FAM3D: variants seen among roughly 807,000 people sequenced by gnomAD.
FAM3D encodes protein FAM3D.
Under a neutral mutation model 29.8 loss-of-function variants are expected in FAM3D, and 26 were observed. The observed-to-expected ratio is 0.87, with a 90% CI of 0.64 to 1.21. FAM3D has a LOEUF of 1.21. Among genes scored for constraint, FAM3D ranks in the 50% most tolerant of loss-of-function variants. The pLI is 0.00. For synonymous variants in FAM3D, 115 were observed against 102.3 expected, an observed-to-expected ratio of 1.12 and a Z score of -0.75; for missense variants, 253 against 290.9, an observed-to-expected ratio of 0.87 and a Z score of 0.95.
At chr3:58,637,937 T>C (rs1467501995) in intron 7 of FAM3D, among the ~76,000 whole-genome samples, 2 of 151,278 alleles carry the variant, frequency 1.3e-5, no homozygotes, top group African/African-American at 4.9e-5. Context: ...CAGGCTGGAG[T>C]GCAATGGCGC....
intron 7 of FAM3D, among the ~76,000 whole-genome samples, chr3:58,638,578 C>T (rs1412172729): frequency 2.0e-5 from 3 of 152,202 alleles, no homozygotes. Context: ...AAATGCAGGG[C>T]CTTTTAATAA....
chr3:58,659,304 A>G (rs2066887344), intron 1 of FAM3D, among the ~76,000 whole-genome samples: 1 of 152,148 alleles, frequency 6.6e-6, no homozygotes, highest in South Asian at 2.1e-4. Flanking sequence ...AAATGCCATC[A>G]CAGCTCCTTT....
In FAM3D at chr3:58,634,338, ATTTG is replaced by A; in HGVS notation, c.612_615del (p.Lys205ThrfsTer31). ...TCCAGCAGCTCTGGCCATCCCTCGT[ATTTG>A]TTTGTGTCTGGGCTGTTCTTTAAGA... is the stretch of plus-strand genomic sequence containing the variant. On this transcript the variant is annotated frameshift_variant, in exon 10 of 10. Transcript: ENST00000358781. LOFTEE classifies it high-confidence loss of function. The surrounding 1 kb of genome is among the most constrained non-coding windows in gnomAD (Gnocchi z 4.6). 6.2e-7 allele frequency: 1 copy of A among 1,614,004 alleles called. No homozygotes were observed. Among genetic ancestry groups the A allele is most frequent in the East Asian group, 2.2e-5 (1 of 44,876 alleles).
chr3:58,663,681 G>A (rs1183454404), intron 1 of FAM3D, among the ~76,000 whole-genome samples: 1 of 152,174 alleles, frequency 6.6e-6, no homozygotes, highest in East Asian at 1.9e-4. Flanking sequence ...TGTGTCTTCA[G>A]CAACAGCCTC....
At chr3:58,649,488 C>T (rs2066569739) in intron 3 of FAM3D, 150 bp from the exon 4 acceptor site, 2 of 806,886 alleles carry the variant, frequency 2.5e-6, no homozygotes, top group Non-Finnish European at 4.1e-6. Flanking sequence ...ACTGTCACCC[C>T]TTCACACACA....
chr3:58,634,503 A>C lies in FAM3D; in HGVS notation c.586-135T>G. 2.9e-6 allele frequency: 2 copies of C among 696,688 alleles called. No homozygotes were observed. Among genetic ancestry groups the C allele is most frequent in the Non-Finnish European group, 4.7e-6 (2 of 423,818 alleles). 43.2% of individuals were successfully genotyped at this position (696,688 alleles called of 1,614,324 possible). A position where few individuals can be genotyped will look rare whatever the true frequency, so the allele number is the denominator to read the frequency against. On this transcript the variant is annotated intron_variant, in intron 9 of 9. Coordinates refer to ENST00000358781, the MANE Select transcript of FAM3D (RefSeq NM_138805.3). The surrounding 1 kb of genome is among the most constrained non-coding windows in gnomAD (Gnocchi z 4.6). Reference sequence around the variant, plus strand: ...ACCCACTTCACAGATGGGGAAACTGAGGCTCAGAGAGGGGATGCAACTTGC... The same window carrying C: ...ACCCACTTCACAGATGGGGAAACTGCGGCTCAGAGAGGGGATGCAACTTGC...
intron 1 of FAM3D, among the ~76,000 whole-genome samples, chr3:58,661,921 G>T (rs2066938856): frequency 6.6e-6 from 1 of 152,224 alleles, no homozygotes; most frequent in African/African-American, 2.4e-5. Flanking sequence ...TGGAAAATGG[G>T]TTCCTCCAGG....
chr3:58,653,382 TCCTC>T (rs1188499829), intron 3 of FAM3D, among the ~76,000 whole-genome samples: 1 of 152,212 alleles, frequency 6.6e-6, no homozygotes, highest in African/African-American at 2.4e-5. Flanking sequence ...CTTCTGTTCT[TCCTC>T]CCTCTGTCCT....
chr3:58,659,361 G>A (rs1238127077), intron 1 of FAM3D, among the ~76,000 whole-genome samples: 1 of 152,228 alleles, frequency 6.6e-6, no homozygotes, highest in African/African-American at 2.4e-5. Context: ...CAGGAGCCGG[G>A]ATGTCAGCAC....
intron 7 of FAM3D, among the ~76,000 whole-genome samples, chr3:58,637,770 C>T (rs926150046): frequency 6.6e-6 from 1 of 152,158 alleles, no homozygotes; most frequent in Non-Finnish European, 1.5e-5. Context: ...TTTAATGCCT[C>T]CCTAACTTGC....
At chr3:58,652,463 C>G (rs2066665756) in intron 3 of FAM3D, among the ~76,000 whole-genome samples, 1 of 150,722 alleles carries the variant, frequency 6.6e-6, no homozygotes, top group East Asian at 2.0e-4. Flanking sequence ...TCACTCATCC[C>G]TTCTCCACCC....
rs75618317 is a variant in FAM3D at position 58,642,831 on chromosome 3, C to T, written c.322+831G>A. 1.2e-4 allele frequency among the ~76,000 whole-genome samples: 19 copies of T among 152,312 alleles called. No individual in the cohort carries two copies. In the East Asian group the frequency reaches 2.9e-3, roughly 23 times the overall value. ...CCTTTCCGTGGCTCCCTACTGCTCT[C>T]GGCTTCCAGTCACACTTCTTAGCAG... On this transcript the variant is annotated intron_variant, in intron 6 of 9. Coordinates refer to ENST00000358781, the MANE Select transcript of FAM3D (RefSeq NM_138805.3).
At position 58,653,654 on chromosome 3, in the gene FAM3D, C is replaced by A. The variant is rs756119580; in HGVS notation, c.121+20G>T. On this transcript the variant is annotated intron_variant, in intron 3 of 9. Transcript: ENST00000358781. ...AGGCCTGGTCTGCAGTTCCTGCCCC[C>A]AGCAGTGAGCCCCACTCACCCAGCC... 1 of 1,608,954 alleles carries A rather than the reference C, an allele frequency of 6.2e-7. No homozygotes were observed. Among genetic ancestry groups the A allele is most frequent in the Non-Finnish European group, 8.5e-7 (1 of 1,176,582 alleles).
At chr3:58,665,958 T>A (rs1575497850) in intron 1 of FAM3D, among the ~76,000 whole-genome samples, 1 of 152,180 alleles carries the variant, frequency 6.6e-6, no homozygotes, top group Non-Finnish European at 1.5e-5. Flanking sequence ...GGAAACTGAG[T>A]CTTAGTGAAA....
Position 58,634,608 on chromosome 3 carries a change from GC to G in FAM3D, c.586-241del, listed in dbSNP as rs1440789305. On this transcript the variant is annotated intron_variant, in intron 9 of 9. Coordinates refer to ENST00000358781, the MANE Select transcript of FAM3D (RefSeq NM_138805.3). This position sits in a 1 kb window ranked among gnomAD's most constrained non-coding sequence, Gnocchi z 4.6. ...GGTAACCAGTTGTTGGAGAGATCTG[GC>G]CCCTCCCCACAAATTCTCTGTGTCC... is the stretch of plus-strand genomic sequence containing the variant. Among the ~76,000 whole-genome samples, 5 of 152,158 alleles carry G rather than the reference GC, an allele frequency of 3.3e-5. No homozygotes were observed. The highest frequency in any genetic ancestry group is 1.2e-4 in the African/African-American group (5 of 41,424).
In FAM3D at chr3:58,634,458, G is replaced by A. The variant is rs968602502; in HGVS notation, c.586-90C>T. 28 of 1,153,592 alleles carry A rather than the reference G, an allele frequency of 2.4e-5. No individual in the cohort carries two copies. Among genetic ancestry groups the A allele is most frequent in the Admixed American group, 3.9e-5 (2 of 51,412 alleles). 71.5% of individuals were successfully genotyped at this position (1,153,592 alleles called of 1,614,324 possible). Reference sequence around the variant, plus strand: ...TGGACACTGTGCTCTAAACCTAAATGGGGGTGTGGGATGTTATTAACCCAC... The same window carrying A: ...TGGACACTGTGCTCTAAACCTAAATAGGGGTGTGGGATGTTATTAACCCAC... On this transcript the variant is annotated intron_variant, in intron 9 of 9. Coordinates refer to ENST00000358781, the MANE Select transcript of FAM3D (RefSeq NM_138805.3). This position sits in a 1 kb window ranked among gnomAD's most constrained non-coding sequence, Gnocchi z 4.6.
chr3:58,658,888 G>T (rs1167824073), intron 1 of FAM3D, among the ~76,000 whole-genome samples: 1 of 152,238 alleles, frequency 6.6e-6, no homozygotes, highest in African/African-American at 2.4e-5. Flanking sequence ...CATCCCTCCT[G>T]TGGTAGACGT....
rs75650938 is a variant in FAM3D at position 58,652,977 on chromosome 3, C to T, written c.121+697G>A. The stretch of plus-strand genomic sequence containing the variant: ...CCACCCATTTATCCATCCATCCATC[C>T]GTTTTTTTTTTTTCACTCATCAAAT... On this transcript the variant is annotated intron_variant, in intron 3 of 9. Coordinates refer to ENST00000358781, the MANE Select transcript of FAM3D (RefSeq NM_138805.3). Among the ~76,000 whole-genome samples the T allele has an allele frequency of 6.9e-4, 102 of 146,934 alleles. 1 individual carries two copies. The South Asian group carries it at 8.4e-3, about 12-fold the overall frequency.
chr3:58,650,708 T>C (rs1163848418), intron 3 of FAM3D, among the ~76,000 whole-genome samples: 10 of 152,116 alleles, frequency 6.6e-5, no homozygotes, highest in Non-Finnish European at 8.8e-5. Flanking sequence ...GTCACTCTCA[T>C]CTTTTTATTT....
Sources: allele counts gnomAD v4.1 joint callset (sites outside exome capture counted in the v4.1 genomes callset), GRCh38; gene constraint gnomAD v4.1.1; non-coding constraint Gnocchi (gnomAD v3.1); transcripts MANE v1.5; gene names NCBI Gene and HGNC (gene_info 2026-07-23, HGNC 2026-07-21).